IGHMBP2: variants seen among roughly 807,000 people sequenced by gnomAD.
The protein encoded by IGHMBP2 is DNA-binding protein SMUBP-2.
IGHMBP2 carries 81 observed loss-of-function variants against 96.0 expected under a neutral mutation model. The observed-to-expected ratio is 0.84, with a 90% CI of 0.71 to 1.01. The LOEUF (loss-of-function observed/expected upper bound fraction) is 1.01, where lower values mean the gene tolerates loss of function less well. Among genes scored for constraint, IGHMBP2 ranks in the 50% least tolerant of loss-of-function variants. The pLI, the probability that IGHMBP2 is intolerant of heterozygous loss-of-function variation, is 0.00. For missense variants in IGHMBP2, 1,227 were observed against 1,306.3 expected, an observed-to-expected ratio of 0.94 and a Z score of 0.94; for synonymous variants, 557 against 548.9, an observed-to-expected ratio of 1.01 and a Z score of -0.21.
chr11:68,928,523 G>A (rs908058641), intron 7 of IGHMBP2, among the ~76,000 whole-genome samples: 8 of 152,238 alleles, frequency 5.3e-5, no homozygotes, highest in African/African-American at 1.7e-4. Flanking sequence ...ATGGAAACCT[G>A]CCTTCTCGTG....
intron 10 of IGHMBP2, 31 bp downstream of exon 10, chr11:68,933,944 TG>T (rs774415210): frequency 3.6e-6 from 5 of 1,377,210 alleles, no homozygotes; most frequent in Non-Finnish European, 5.1e-6. Flanking sequence ...CCAGCTTTTT[TG>T]TTTAAACATA....
At chr11:68,930,894 T>C (rs1394243304) in intron 8 of IGHMBP2, among the ~76,000 whole-genome samples, 2 of 152,174 alleles carry the variant, frequency 1.3e-5, no homozygotes, top group Non-Finnish European at 2.9e-5. Context: ...ATAGATCCTC[T>C]CTGCCCTCTC....
At chr11:68,916,759 G>A (rs1370119287) in intron 6 of IGHMBP2, among the ~76,000 whole-genome samples, 1 of 152,118 alleles carries the variant, frequency 6.6e-6, no homozygotes, top group Non-Finnish European at 1.5e-5. Flanking sequence ...GCTGGGAGGG[G>A]GAGGAAGGAT....
intron 10 of IGHMBP2, 30 bp from the exon 11 acceptor site, chr11:68,934,434 G>T: frequency 6.5e-7 from 1 of 1,541,106 alleles, no homozygotes; most frequent in East Asian, 2.3e-5. Context: ...GCGACCTTGT[G>T]CTGCTCACCC....
chr11:68,905,616 A>G (rs758874589), intron 1 of IGHMBP2, among the ~76,000 whole-genome samples: 1 of 152,198 alleles, frequency 6.6e-6, no homozygotes, highest in East Asian at 1.9e-4. Flanking sequence ...GAGGGAGGCG[A>G]ATAGCTTTGC....
chr11:68,930,437 A>G (rs1441202723), intron 8 of IGHMBP2: 1 of 1,289,276 alleles, frequency 7.8e-7, no homozygotes, highest in East Asian at 5.6e-5. Flanking sequence ...GTTGGCGGGT[A>G]TGTAGAGAGA....
rs1374426419 is a variant in IGHMBP2 at position 68,936,547 on chromosome 11, T to C, written c.2067T>C (p.Pro689=). The C allele has an allele frequency of 1.2e-6, 2 of 1,612,578 alleles. No individual in the cohort carries two copies. The highest frequency in any genetic ancestry group is 1.7e-6 in the Non-Finnish European group (2 of 1,179,470). Residue 689 remains proline (P), a synonymous_variant, in exon 13 of 15, where the codon CCT becomes CCC. Coordinates refer to ENST00000255078, the MANE Select transcript of IGHMBP2 (RefSeq NM_002180.3). Reference sequence around the variant, plus strand: ...AGGGAGGCCAGGAGGCTGCAGCACCTGCCAGACAGGGCCGGAAGAAGCCGG... The same window carrying C: ...AGGGAGGCCAGGAGGCTGCAGCACCCGCCAGACAGGGCCGGAAGAAGCCGG... ...RQEGGQEAAA[P]ARQGRKKPAG...
intron 8 of IGHMBP2, chr11:68,932,536 C>T (rs1043943336): frequency 1.3e-5 from 2 of 152,268 alleles, no homozygotes; most frequent in African/African-American, 4.8e-5. Context: ...TAACAGTAGC[C>T]ACCTCATGAG....
chr11:68,907,726 GA>G (rs1858256883), intron 2 of IGHMBP2, among the ~76,000 whole-genome samples: 1 of 152,104 alleles, frequency 6.6e-6, no homozygotes, highest in Admixed American at 6.6e-5. Context: ...CAGAGTTTGA[GA>G]TTTTTTTTTT....
Position 68,933,785 on chromosome 11 carries a change from T to C in IGHMBP2, c.1419-10T>C, listed in dbSNP as rs761701926. Reference sequence around the variant, plus strand: ...CCCCCTGATGTGCTCCCTCTCTGCCTGTGTGCCAGGGACCTCCCAGGTGTG... The same window carrying C: ...CCCCCTGATGTGCTCCCTCTCTGCCCGTGTGCCAGGGACCTCCCAGGTGTG... On this transcript the variant is annotated splice_polypyrimidine_tract_variant and intron_variant, in intron 9 of 14. Transcript: ENST00000255078. 4 of 1,605,216 alleles carry C rather than the reference T, an allele frequency of 2.5e-6. No individual in the cohort carries two copies. Among genetic ancestry groups the C allele is most frequent in the Non-Finnish European group, 3.4e-6 (4 of 1,172,712 alleles).
At chr11:68,933,702 C>A in intron 9 of IGHMBP2, 93 bp from the exon 10 acceptor site, 1 of 1,115,974 alleles carries the variant, frequency 9.0e-7, no homozygotes, top group Non-Finnish European at 1.3e-6. Flanking sequence ...CCTACCTAAG[C>A]CTTTTCCTCG....
At chr11:68,906,735 G>A (rs35380202) in intron 2 of IGHMBP2, among the ~76,000 whole-genome samples, 43,777 of 147,176 alleles carry the variant, frequency 0.3, 6,695 homozygotes, top group South Asian at 0.48. Context: ...CTCCGCCTCC[G>A]GGGTTCAAGT....
chr11:68,935,366 TC>T lies in IGHMBP2; in HGVS notation c.1702del (p.Gln568LysfsTer8), dbSNP rs1311146809. The T allele has an allele frequency of 6.2e-7, 1 of 1,614,034 alleles. No homozygotes were observed. The highest frequency in any genetic ancestry group is 8.5e-7 in the Non-Finnish European group (1 of 1,180,052). On this transcript the variant is annotated frameshift_variant, in exon 12 of 15. Coordinates refer to ENST00000255078, the MANE Select transcript of IGHMBP2 (RefSeq NM_002180.3). LOFTEE classifies it high-confidence loss of function. ...CTTGAAATCAAGTCTGTCGATGGCT[TC>T]CAAGGCCGAGAGAAGGAGGCCGTGA... ...PELEIKSVDG[F>X]QGREKEAVIL...
rs541365297 is a variant in IGHMBP2 at position 68,912,462 on chromosome 11, T to C, written c.711+859T>C. Among the ~76,000 whole-genome samples the C allele has an allele frequency of 7.9e-5, 12 of 152,164 alleles. No homozygotes were observed. The South Asian group carries it at 2.3e-3, about 29-fold the overall frequency. On this transcript the variant is annotated intron_variant, in intron 5 of 14. Transcript: ENST00000255078. Reference sequence around the variant, plus strand: ...ATTTTTAATGGCTGAAAAAGGATCTTTTATCATCATCTGCATCAGCTTGAG... The same window carrying C: ...ATTTTTAATGGCTGAAAAAGGATCTCTTATCATCATCTGCATCAGCTTGAG...
intron 1 of IGHMBP2, 55 bp from the exon 2 acceptor site, chr11:68,906,014 G>A: frequency 1.3e-6 from 2 of 1,523,288 alleles, no homozygotes; most frequent in Non-Finnish European, 1.8e-6. Flanking sequence ...TTCCTGGGTG[G>A]GTGGAAGTAG....
intron 1 of IGHMBP2, 74 bp from the exon 2 acceptor site, chr11:68,905,995 C>G (rs1858175013): frequency 4.9e-6 from 7 of 1,425,872 alleles, no homozygotes; most frequent in Non-Finnish European, 6.9e-6. Flanking sequence ...GTTTCTTTCT[C>G]TTTTACTTTT....
intron 1 of IGHMBP2, among the ~76,000 whole-genome samples, chr11:68,905,419 A>G (rs145830402): frequency 1.5e-3 from 228 of 152,308 alleles, no homozygotes; most frequent in African/African-American, 5.1e-3. Flanking sequence ...GCTTGCTCTG[A>G]GAATGAAACG....
rs1393872657 is a variant in IGHMBP2, at chr11:68,935,696, G to C, written c.1756+274G>C. Among the ~76,000 whole-genome samples, 3 of 152,236 alleles carry C rather than the reference G, an allele frequency of 2.0e-5. No homozygotes were observed. The East Asian group carries it at 5.8e-4, about 29-fold the overall frequency. ...ATGATCAGGACATCCTGCCGAGGAG[G>C]TGAAGCCCCCTGCAGCCCAGAGCTG... is the stretch of plus-strand genomic sequence containing the variant. On this transcript the variant is annotated intron_variant, in intron 12 of 14. Coordinates refer to ENST00000255078, the MANE Select transcript of IGHMBP2 (RefSeq NM_002180.3).
intron 12 of IGHMBP2, 28 bp from the exon 13 acceptor site, chr11:68,936,209 C>T: frequency 6.2e-7 from 1 of 1,612,714 alleles, no homozygotes; most frequent in Non-Finnish European, 8.5e-7. Flanking sequence ...CTGAAACCTG[C>T]TTCTCACTCC....
Sources: allele counts gnomAD v4.1 joint callset (sites outside exome capture counted in the v4.1 genomes callset), GRCh38; gene constraint gnomAD v4.1.1; transcripts MANE v1.5; gene names NCBI Gene and HGNC (gene_info 2026-07-23, HGNC 2026-07-21).